Variants in ARMC1 observed in about 807,000 individuals in gnomAD.
ARMC1 encodes the protein armadillo repeat-containing protein 1.
In ARMC1, 16 loss-of-function variants were observed where a neutral mutation model predicts 31.4. The ratio of observed to expected loss-of-function variants is 0.51; its 90% CI spans 0.34 to 0.77. The LOEUF (loss-of-function observed/expected upper bound fraction) is 0.77. Among genes scored for constraint, ARMC1 ranks in the 30% least tolerant of loss-of-function variants. ARMC1 has a pLI of 0.01. For missense variants in ARMC1, 259 were observed against 347.5 expected (o/e 0.75, Z 2.02); for synonymous variants, 114 against 118.9 (o/e 0.96, Z 0.27).
Position 65,603,580 on chromosome 8 carries a change from G to A in ARMC1, c.*814C>T, listed in dbSNP as rs1807938972. On this transcript the variant is annotated 3_prime_UTR_variant, in exon 7 of 7. Transcript: ENST00000276569. ...ACGTATAATCACAAAGTAAGGCCTA[G>A]AGACCATTTATAGTTGTTTGCAATA... is the stretch of plus-strand genomic sequence containing the variant. 6.6e-6 allele frequency: 1 copy of A among 152,218 alleles called. No individual in the cohort carries two copies. Among genetic ancestry groups the A allele is most frequent in the African/African-American group, 2.4e-5 (1 of 41,526 alleles). The allele number at this position is 152,218 out of a possible 1,614,324, so 9.4% of individuals were successfully genotyped here. A position where few individuals can be genotyped will look rare whatever the true frequency, so the allele number is the denominator to read the frequency against.
chr8:65,621,462 C>T (rs1414996137), intron 3 of ARMC1, among the ~76,000 whole-genome samples: 2 of 152,148 alleles, frequency 1.3e-5, no homozygotes, highest in Non-Finnish European at 2.9e-5. Flanking sequence ...CTTCTGTCTA[C>T]TTAGATAAAC....
rs1393557219 is a variant in ARMC1 at position 65,616,767 on chromosome 8, C to T, written c.276-3334G>A. ...GCCGCCCCGTCTGGGATGTGAGGAG[C>T]GCCTCTGCCCAGCCGCGACCCCGTC... On this transcript the variant is annotated intron_variant, in intron 3 of 6. Transcript: ENST00000276569. 1.5e-4 allele frequency among the ~76,000 whole-genome samples: 20 copies of T among 130,432 alleles called. 1 individual carries two copies. The highest frequency in any genetic ancestry group is 3.6e-4 in the Admixed American group (5 of 13,868). 85.6% of individuals were successfully genotyped at this position (130,432 alleles called of 152,430 possible).
chr8:65,610,594 C>T (rs28485867), intron 4 of ARMC1, among the ~76,000 whole-genome samples: 1 of 151,752 alleles, frequency 6.6e-6, no homozygotes, highest in African/African-American at 2.4e-5. Flanking sequence ...ACTTGGGAGG[C>T]TGAGGCAGGA....
intron 2 of ARMC1, among the ~76,000 whole-genome samples, 165 bp from the exon 3 acceptor site, chr8:65,622,519 G>A (rs993436042): frequency 2.6e-5 from 4 of 152,222 alleles, no homozygotes; most frequent in African/African-American, 7.2e-5. Flanking sequence ...GGGAAGAAAT[G>A]ATCCTTTGAG....
At chr8:65,615,863 C>A (rs1278123372) in intron 3 of ARMC1, among the ~76,000 whole-genome samples, 1 of 151,876 alleles carries the variant, frequency 6.6e-6, no homozygotes, top group East Asian at 1.9e-4. Context: ...CCATTGCACT[C>A]CAGCGTGGGC....
chr8:65,604,729 C>G (rs1290714858), intron 6 of ARMC1, 144 bp from the exon 7 acceptor site: 1 of 671,800 alleles, frequency 1.5e-6, no homozygotes, highest in Non-Finnish European at 2.5e-6. Context: ...AAGGAGTAAG[C>G]AGAGTACAAA....
chr8:65,628,638 T>A (rs1258063706), intron 1 of ARMC1, among the ~76,000 whole-genome samples: 7 of 142,704 alleles, frequency 4.9e-5, no homozygotes, highest in South Asian at 2.3e-4. Context: ...CAGGCAGATC[T>A]CCTGAGGTCA....
intron 2 of ARMC1, among the ~76,000 whole-genome samples, chr8:65,623,830 T>A (rs1158761647): frequency 7.0e-6 from 1 of 142,982 alleles, no homozygotes; most frequent in Non-Finnish European, 1.5e-5. Context: ...GGAGTTTTTG[T>A]TCTTTCGCCC....
At chr8:65,632,112 T>C (rs984825904) in intron 1 of ARMC1, among the ~76,000 whole-genome samples, 78 of 152,322 alleles carry the variant, frequency 5.1e-4, no homozygotes, top group African/African-American at 1.9e-3. Context: ...TAAACATGGC[T>C]ATGAACATAT....
In ARMC1 at chr8:65,622,404, A is replaced by C; in HGVS notation, c.184-50T>G. The C allele has an allele frequency of 2.1e-6, 3 of 1,421,074 alleles. No homozygotes were observed. The Admixed American group carries it at 6.2e-5, about 29-fold the overall frequency. The allele number at this position is 1,421,074 out of a possible 1,614,324, so 88.0% of individuals were successfully genotyped here. ...AATTCGTCTGTCCAGACTATTCAAA[A>C]TTGAAACTACTACTAATTTACTGCA... On this transcript the variant is annotated intron_variant, in intron 2 of 6. Coordinates refer to ENST00000276569, the MANE Select transcript of ARMC1 (RefSeq NM_018120.6).
intron 4 of ARMC1, among the ~76,000 whole-genome samples, chr8:65,611,988 T>C (rs986526870): frequency 6.6e-6 from 1 of 152,040 alleles, no homozygotes; most frequent in Admixed American, 6.6e-5. Flanking sequence ...GCCAGGCTGG[T>C]CTCAAACTCC....
At chr8:65,627,506 TACA>T (rs1376457985) in intron 1 of ARMC1, 73 bp from the exon 2 acceptor site, 11 of 793,308 alleles carry the variant, frequency 1.4e-5, no homozygotes, top group Non-Finnish European at 1.8e-5. Flanking sequence ...TAACCAGGAT[TACA>T]ACACCTTTAG....
At chr8:65,625,481 G>A (rs1205177055) in intron 2 of ARMC1, among the ~76,000 whole-genome samples, 1 of 152,080 alleles carries the variant, frequency 6.6e-6, no homozygotes, top group Admixed American at 6.6e-5. Flanking sequence ...GCAATTATGA[G>A]AGCCTTCCCC....
At chr8:65,608,295 G>A (rs1808045603) in intron 4 of ARMC1, among the ~76,000 whole-genome samples, 1 of 152,188 alleles carries the variant, frequency 6.6e-6, no homozygotes, top group Non-Finnish European at 1.5e-5. Context: ...GTGAGGCCGA[G>A]GCAGGTGGAT....
chr8:65,603,355 A>G lies in ARMC1; in HGVS notation c.*1039T>C, dbSNP rs1807934021. ...AATTTGGGTCTTTTTCATTCAACAC[A>G]ACGCAGCATTTTCATAATAAATTCA... On this transcript the variant is annotated 3_prime_UTR_variant, in exon 7 of 7. Transcript: ENST00000276569. The G allele has an allele frequency of 6.6e-6, 1 of 152,202 alleles. No individual in the cohort carries two copies. The highest frequency in any genetic ancestry group is 2.4e-5 in the African/African-American group (1 of 41,448). 9.4% of individuals were successfully genotyped at this position (152,202 alleles called of 1,614,324 possible). A position where few individuals can be genotyped will look rare whatever the true frequency, so the allele number is the denominator to read the frequency against.
At chr8:65,610,530 A>G (rs1396168318) in intron 4 of ARMC1, among the ~76,000 whole-genome samples, 1 of 152,006 alleles carries the variant, frequency 6.6e-6, no homozygotes. Flanking sequence ...CCCCGTCTCT[A>G]CTAAATACAA....
chr8:65,627,643 A>T (rs1456707905), intron 1 of ARMC1, among the ~76,000 whole-genome samples: 1 of 152,248 alleles, frequency 6.6e-6, no homozygotes, highest in Non-Finnish European at 1.5e-5. Flanking sequence ...TTTAAAGAAC[A>T]TATGTTGTCC....
chr8:65,632,556 T>C (rs1482703553), intron 1 of ARMC1, among the ~76,000 whole-genome samples: 3 of 151,706 alleles, frequency 2.0e-5, no homozygotes, highest in Non-Finnish European at 4.4e-5. Flanking sequence ...GAACTTGCAG[T>C]GAGCCGAGAT....
intron 4 of ARMC1, among the ~76,000 whole-genome samples, chr8:65,612,706 A>T (rs1255467912): frequency 6.9e-6 from 1 of 145,714 alleles, no homozygotes; most frequent in Non-Finnish European, 1.5e-5. Flanking sequence ...TACTAAAAAC[A>T]CAAAAATTAG....
Sources: allele counts gnomAD v4.1 joint callset (sites outside exome capture counted in the v4.1 genomes callset), GRCh38; gene constraint gnomAD v4.1.1; transcripts MANE v1.5; gene names NCBI Gene and HGNC (gene_info 2026-07-23, HGNC 2026-07-21).